FBXL17: variants seen among roughly 807,000 people sequenced by gnomAD.
FBXL17 encodes F-box/LRR-repeat protein 17.
In FBXL17, 22 loss-of-function variants were observed where a neutral mutation model predicts 66.2. The ratio of observed to expected loss-of-function variants is 0.33; its 90% confidence interval spans 0.24 to 0.47. The LOEUF (loss-of-function observed/expected upper bound fraction) is 0.47, where lower values mean the gene tolerates loss of function less well. FBXL17 is among the 20% of genes least tolerant of loss of function. FBXL17 has a pLI of 1.00. For synonymous variants in FBXL17, 474 were observed against 400.5 expected, an observed-to-expected ratio of 1.18 and a Z score of -2.19; for missense variants, 878 against 948.2, an observed-to-expected ratio of 0.93 and a Z score of 0.97.
At chr5:108,055,571 T>A (rs1741881038) in intron 6 of FBXL17, among the ~76,000 whole-genome samples, 1 of 128,286 alleles carries the variant, frequency 7.8e-6, no homozygotes, top group South Asian at 2.5e-4. Context: ...ATTGTGCCAC[T>A]GCTCTATAGC....
chr5:108,265,258 T>C (rs1250712963), intron 4 of FBXL17, among the ~76,000 whole-genome samples: 1 of 152,078 alleles, frequency 6.6e-6, no homozygotes, highest in Admixed American at 6.5e-5. Context: ...TAGAACTATC[T>C]GCACTGATCT....
chr5:108,194,798 AAGAT>A (rs1393850349), intron 5 of FBXL17, among the ~76,000 whole-genome samples: 1 of 152,180 alleles, frequency 6.6e-6, no homozygotes, highest in Non-Finnish European at 1.5e-5. Flanking sequence ...CATAAAAAAG[AAGAT>A]TGACGGCCAG....
At chr5:108,228,594 A>G (rs1755196471) in intron 4 of FBXL17, among the ~76,000 whole-genome samples, 1 of 152,220 alleles carries the variant, frequency 6.6e-6, no homozygotes, top group South Asian at 2.1e-4. Flanking sequence ...TGCATGGCAC[A>G]TTGTAATTGT....
At chr5:107,918,264 A>G (rs1032282379) in intron 7 of FBXL17, among the ~76,000 whole-genome samples, 1 of 152,214 alleles carries the variant, frequency 6.6e-6, no homozygotes, top group Non-Finnish European at 1.5e-5. Flanking sequence ...CAAAACCAGA[A>G]GTGATTCAGA....
chr5:108,020,950 C>T lies in FBXL17; in HGVS notation c.1797G>A (p.Leu599=). The T allele has an allele frequency of 1.2e-6, 2 of 1,609,962 alleles. No individual in the cohort carries two copies. The highest frequency in any genetic ancestry group is 1.7e-6 in the Non-Finnish European group (2 of 1,177,050). ...CATAATCTGTGATTTTACAGGACAC[C>T]AAATATAGCTCTTTCAGGTTTTGTC... ...KEGQNLKELY[L]VSCKITDYAL... is the part of the protein sequence containing the mutation. The change falls in exon 7 of 9, where the codon TTG becomes TTA. Residue 599 remains leucine (L), a synonymous_variant. Transcript: ENST00000542267.
chr5:107,938,688 A>G (rs1477912845), intron 7 of FBXL17, among the ~76,000 whole-genome samples: 1 of 152,086 alleles, frequency 6.6e-6, no homozygotes, highest in Non-Finnish European at 1.5e-5. Flanking sequence ...ATATATTAGT[A>G]TACTCTCCAG....
chr5:108,276,011 C>A (rs1393894541), intron 4 of FBXL17, among the ~76,000 whole-genome samples: 2 of 152,104 alleles, frequency 1.3e-5, no homozygotes, highest in Admixed American at 1.3e-4. Flanking sequence ...AAATTTTTAA[C>A]ACTGCATTAA....
intron 4 of FBXL17, chr5:108,299,333 C>T: frequency 1.0e-6 from 1 of 984,700 alleles, no homozygotes; most frequent in Non-Finnish European, 1.2e-6. Flanking sequence ...CCTCAAGATA[C>T]CATTAAAGTA....
intron 5 of FBXL17, among the ~76,000 whole-genome samples, chr5:108,211,811 T>C (rs1394194889): frequency 6.6e-6 from 1 of 152,156 alleles, no homozygotes; most frequent in Non-Finnish European, 1.5e-5. Context: ...TGTCTTGGGG[T>C]TGCCCTTCTC....
intron 6 of FBXL17, among the ~76,000 whole-genome samples, chr5:108,127,271 G>C (rs779823573): frequency 1.4e-4 from 22 of 152,096 alleles, no homozygotes. Context: ...GCTATGATGA[G>C]GCCCACAGTG....
intron 4 of FBXL17, among the ~76,000 whole-genome samples, chr5:108,295,782 G>A (rs1306503036): frequency 2.0e-5 from 3 of 151,816 alleles, no homozygotes; most frequent in Non-Finnish European, 4.4e-5. Flanking sequence ...GGTCTCAAAA[G>A]GTAGGAAAGG....
At chr5:108,137,374 G>T (rs1751176690) in intron 6 of FBXL17, among the ~76,000 whole-genome samples, 1 of 152,240 alleles carries the variant, frequency 6.6e-6, no homozygotes, top group African/African-American at 2.4e-5. Context: ...ATTTGGAAGA[G>T]CCTCCTCCCT....
intron 4 of FBXL17, among the ~76,000 whole-genome samples, chr5:108,272,883 T>C (rs7711717): frequency 0.12 from 18,534 of 152,228 alleles, 1,364 homozygotes; most frequent in Admixed American, 0.16. Flanking sequence ...AACATAACCA[T>C]AGTTAATAAC....
intron 5 of FBXL17, among the ~76,000 whole-genome samples, chr5:108,216,052 C>T (rs770856558): frequency 5.9e-5 from 9 of 152,154 alleles, no homozygotes; most frequent in African/African-American, 1.4e-4. Flanking sequence ...CATTGACTTA[C>T]GTGTCTATCC....
At chr5:108,057,974 G>C (rs1231650671) in intron 6 of FBXL17, among the ~76,000 whole-genome samples, 1 of 152,146 alleles carries the variant, frequency 6.6e-6, no homozygotes, top group Non-Finnish European at 1.5e-5. Context: ...AATTGAGTTA[G>C]AGAGAACTTA....
At chr5:108,295,510 T>C (rs1758309491) in intron 4 of FBXL17, among the ~76,000 whole-genome samples, 1 of 152,012 alleles carries the variant, frequency 6.6e-6, no homozygotes, top group South Asian at 2.1e-4. Flanking sequence ...CCAGACGGTC[T>C]GCTCCAGAGT....
intron 6 of FBXL17, among the ~76,000 whole-genome samples, chr5:108,178,982 T>C (rs1242455489): frequency 6.6e-6 from 1 of 152,226 alleles, no homozygotes; most frequent in Non-Finnish European, 1.5e-5. Context: ...TCTTTAAACC[T>C]CAGTCTCTAG....
intron 4 of FBXL17, among the ~76,000 whole-genome samples, chr5:108,310,972 A>G (rs777036212): frequency 3.9e-5 from 6 of 152,154 alleles, no homozygotes; most frequent in Non-Finnish European, 5.9e-5. Context: ...ACTTCTTCAG[A>G]AAACTACAGC....
intron 6 of FBXL17, among the ~76,000 whole-genome samples, chr5:108,025,717 A>ACG (rs55770372): frequency 0.052 from 5,414 of 103,966 alleles, 244 homozygotes; most frequent in African/African-American, 0.15. Flanking sequence ...ACACACACAC[A>ACG]CGCGCGCGCG....
Sources: allele counts gnomAD v4.1 joint callset (sites outside exome capture counted in the v4.1 genomes callset), GRCh38; gene constraint gnomAD v4.1.1; transcripts MANE v1.5; gene names NCBI Gene and HGNC (gene_info 2026-07-23, HGNC 2026-07-21).